Variants in ANO3 observed in about 807,000 individuals in gnomAD.
ANO3 encodes the protein anoctamin-3.
ANO3 carries 99 observed loss-of-function variants against 144.8 expected under a neutral mutation model. The ratio of observed to expected loss-of-function variants is 0.68; its 90% CI spans 0.58 to 0.81. The LOEUF is 0.81. Ranked by LOEUF, ANO3 falls within the 30% of genes least tolerant of loss-of-function variation. The pLI, the probability that ANO3 is intolerant of heterozygous loss-of-function variation, is 0.00. For synonymous variants in ANO3, 414 were observed against 392.6 expected (o/e 1.05, Z -0.64); for missense variants, 905 against 1,202.2 (o/e 0.75, Z 3.66).
intron 1 of ANO3, among the ~76,000 whole-genome samples, chr11:26,265,282 G>T (rs1853284616): frequency 6.6e-6 from 1 of 152,038 alleles, no homozygotes; most frequent in Non-Finnish European, 1.5e-5. Flanking sequence ...TTTAGCAGCT[G>T]GATATGTATC....
intron 1 of ANO3, among the ~76,000 whole-genome samples, chr11:26,216,926 T>C (rs968055401): frequency 3.9e-5 from 6 of 152,084 alleles, no homozygotes; most frequent in African/African-American, 1.2e-4. Flanking sequence ...AGTTTTCTTA[T>C]TGTAGAGTTT....
At chr11:26,483,348 C>A (rs1860303630) in intron 4 of ANO3, among the ~76,000 whole-genome samples, 1 of 152,120 alleles carries the variant, frequency 6.6e-6, no homozygotes, top group African/African-American at 2.4e-5. Flanking sequence ...TGTTCCCACC[C>A]AAATCGCATG....
At chr11:26,613,724 T>A (rs1028653917) in intron 17 of ANO3, among the ~76,000 whole-genome samples, 7 of 152,190 alleles carry the variant, frequency 4.6e-5, no homozygotes, top group African/African-American at 1.7e-4. Flanking sequence ...ATCTTCATGG[T>A]GTTTCTTTAG....
intron 5 of ANO3, among the ~76,000 whole-genome samples, chr11:26,512,942 TA>T: frequency 6.6e-6 from 1 of 152,328 alleles, no homozygotes; most frequent in East Asian, 1.9e-4. Context: ...TCATCCATTT[TA>T]TAAATGCTTA....
chr11:26,505,366 A>T (rs1861384387), intron 4 of ANO3, among the ~76,000 whole-genome samples: 1 of 152,184 alleles, frequency 6.6e-6, no homozygotes, highest in African/African-American at 2.4e-5. Context: ...TAACTTTGAG[A>T]TGTTCATTAG....
At chr11:26,383,076 T>C (rs113604783) in intron 1 of ANO3, among the ~76,000 whole-genome samples, 4 of 152,166 alleles carry the variant, frequency 2.6e-5, no homozygotes, top group African/African-American at 9.7e-5. Context: ...TGAAGTTAAG[T>C]CTGTATCCAT....
chr11:26,449,171 C>T (rs191498802), intron 3 of ANO3, among the ~76,000 whole-genome samples: 270 of 152,016 alleles, frequency 1.8e-3, no homozygotes, highest in African/African-American at 6.1e-3. Flanking sequence ...TCCTTGTTCA[C>T]AATAAATATG....
intron 1 of ANO3, among the ~76,000 whole-genome samples, chr11:26,393,493 G>A (rs567705009): frequency 1.4e-4 from 22 of 152,136 alleles, no homozygotes; most frequent in African/African-American, 5.3e-4. Flanking sequence ...AGTATTAAAG[G>A]TTGCTTCCCA....
chr11:26,237,815 C>G (rs992801724), intron 1 of ANO3, among the ~76,000 whole-genome samples: 8 of 151,982 alleles, frequency 5.3e-5, no homozygotes. Flanking sequence ...AACAAGTATT[C>G]TATAATTTAT....
chr11:26,221,392 G>A (rs1489242061), intron 1 of ANO3, among the ~76,000 whole-genome samples: 2 of 152,296 alleles, frequency 1.3e-5, no homozygotes, highest in East Asian at 1.9e-4. Flanking sequence ...GTGACAGAAT[G>A]AGATCCAGGG....
chr11:26,457,203 T>C (rs1590377266), intron 3 of ANO3, among the ~76,000 whole-genome samples: 1 of 150,228 alleles, frequency 6.7e-6, no homozygotes, highest in African/African-American at 2.4e-5. Flanking sequence ...TGTGCACACG[T>C]ACCCTAAAAC....
chr11:26,372,585 C>G (rs532249806), intron 1 of ANO3, among the ~76,000 whole-genome samples: 1 of 152,264 alleles, frequency 6.6e-6, no homozygotes, highest in East Asian at 1.9e-4. Flanking sequence ...TATACTATCT[C>G]AATTATTTTC....
intron 1 of ANO3, among the ~76,000 whole-genome samples, chr11:26,262,747 G>C (rs185880905): frequency 3.4e-5 from 5 of 147,894 alleles, no homozygotes; most frequent in Admixed American, 1.3e-4. Context: ...CACAGAGAGA[G>C]AGAGAGAGAG....
intron 1 of ANO3, among the ~76,000 whole-genome samples, chr11:26,272,218 C>T (rs899417713): frequency 3.3e-5 from 5 of 151,456 alleles, no homozygotes; most frequent in Admixed American, 1.3e-4. Flanking sequence ...AGTGCCACGG[C>T]GATGCTAGAA....
chr11:26,526,755 C>T (rs965738801), intron 7 of ANO3, among the ~76,000 whole-genome samples: 1 of 151,932 alleles, frequency 6.6e-6, no homozygotes, highest in African/African-American at 2.4e-5. Flanking sequence ...ATAGCTTTTC[C>T]TCTTTAAATT....
intron 1 of ANO3, among the ~76,000 whole-genome samples, chr11:26,295,893 T>C (rs1854078996): frequency 2.6e-5 from 4 of 152,180 alleles, no homozygotes; most frequent in Admixed American, 2.6e-4. Flanking sequence ...GTCTCCTTTC[T>C]ACTCTGAAAT....
At chr11:26,339,201 C>T (rs1235049841) in intron 1 of ANO3, among the ~76,000 whole-genome samples, 1 of 151,438 alleles carries the variant, frequency 6.6e-6, no homozygotes, top group African/African-American at 2.4e-5. Context: ...GTTGCCCAGG[C>T]TGGAGTGCAG....
chr11:26,634,153 T>C lies in ANO3; in HGVS notation c.1874-51T>C, dbSNP rs572279700. 7 of 1,115,578 alleles carry C rather than the reference T, an allele frequency of 6.3e-6. No individual in the cohort carries two copies. In the African/African-American group the frequency reaches 1.1e-4, roughly 17 times the overall value. 69.1% of individuals were successfully genotyped at this position (1,115,578 alleles called of 1,614,324 possible). A position where few individuals can be genotyped will look rare whatever the true frequency, so the allele number is the denominator to read the frequency against. On this transcript the variant is annotated intron_variant, in intron 18 of 26. Transcript: ENST00000256737. ...GGTTTCTGCCTCCATGTCCAGAGTC[T>C]TGATATTCACCTCACCTCACCTGTG...
chr11:26,217,827 T>C (rs1265804891), intron 1 of ANO3, among the ~76,000 whole-genome samples: 2 of 151,854 alleles, frequency 1.3e-5, no homozygotes, highest in African/African-American at 4.8e-5. Flanking sequence ...AAACAGGTTG[T>C]TGTTGTTGTT....
Sources: allele counts gnomAD v4.1 joint callset (sites outside exome capture counted in the v4.1 genomes callset), GRCh38; gene constraint gnomAD v4.1.1; transcripts MANE v1.5; gene names NCBI Gene and HGNC (gene_info 2026-07-23, HGNC 2026-07-21).